Variants in WDR81 observed in about 807,000 individuals in gnomAD.
WDR81 encodes WD repeat-containing protein 81.
Under a neutral mutation model 140.8 loss-of-function variants are expected in WDR81, and 92 were observed. The observed-to-expected ratio is 0.65, with a 90% confidence interval of 0.55 to 0.78. WDR81 has a LOEUF of 0.78. Among genes scored for constraint, WDR81 ranks in the 30% least tolerant of loss-of-function variants. The pLI, the probability that WDR81 is intolerant of heterozygous loss-of-function variation, is 0.00. For missense variants in WDR81, 2,502 were observed against 2,636.4 expected (o/e 0.95, Z 1.12); for synonymous variants, 1,183 against 1,156.4 (o/e 1.02, Z -0.47).
In WDR81 at chr17:1,730,464, G is replaced by T; in HGVS notation, c.3752G>T (p.Arg1251Leu). Reference sequence around the variant, plus strand: ...CGCCACGTGGCCCGGAACCTGCTCCGCCTGCTGACGTCTTGTTATGTTGGT... The same window carrying T: ...CGCCACGTGGCCCGGAACCTGCTCCTCCTGCTGACGTCTTGTTATGTTGGT... ...ASRHVARNLL[R>L]LLTSCYVGPT... is the part of the protein sequence containing the mutation. Residue 1251 changes from arginine to leucine, a missense_variant, in exon 2 of 10, where the codon CGC (arginine) becomes CTC (leucine). Physicochemically the swap from Arg to Leu is moderately radical, Grantham distance 102 (BLOSUM62 -2). Coordinates refer to ENST00000409644, the MANE Select transcript of WDR81 (RefSeq NM_001163809.2). 1 of 1,613,184 alleles carries T rather than the reference G, an allele frequency of 6.2e-7. No individual in the cohort carries two copies. The highest frequency in any genetic ancestry group is 8.5e-7 in the Non-Finnish European group (1 of 1,179,886).
chr17:1,725,108 G>A lies in WDR81; in HGVS notation c.149G>A (p.Gly50Glu), dbSNP rs1392093510. ...IDPRQLAPAP[G>E]GTHVVALVPA... is the part of the protein sequence containing the mutation. ...CCCAGGCAGCTGGCTCCGGCCCCGG[G>A]GGGCACCCACGTGGTGGCCCTAGTG... The change falls in exon 1 of 10, where the codon GGG becomes GAG. Residue 50 changes from glycine (G) to glutamate (E), a missense_variant. Gly to Glu is a moderately conservative substitution (Grantham distance 98, BLOSUM62 -2). This residue lies in a region of WDR81 where 547 missense variants were observed against 513.8 expected (regional missense o/e 1.06). Coordinates refer to ENST00000409644, the MANE Select transcript of WDR81 (RefSeq NM_001163809.2). The A allele has an allele frequency of 1.3e-6, 2 of 1,512,546 alleles. No individual in the cohort carries two copies. The highest frequency in any genetic ancestry group is 1.8e-6 in the Non-Finnish European group (2 of 1,131,522). The allele number at this position is 1,512,546 out of a possible 1,614,324, so 93.7% of individuals were successfully genotyped here. A position where few individuals can be genotyped will look rare whatever the true frequency, so the allele number is the denominator to read the frequency against.
intron 1 of WDR81, among the ~76,000 whole-genome samples, chr17:1,717,444 T>C (rs1914636384): frequency 6.6e-6 from 1 of 152,182 alleles, no homozygotes; most frequent in Non-Finnish European, 1.5e-5. Flanking sequence ...GCAGGAATGA[T>C]GAGGCTGGAG....
Position 1,728,538 on chromosome 17 carries a change from TGTG to T in WDR81, c.3581_3583del (p.Val1194del), listed in dbSNP as rs1567721576. The T allele has an allele frequency of 6.5e-7, 1 of 1,549,736 alleles. No homozygotes were observed. The highest frequency in any genetic ancestry group is 8.7e-7 in the Non-Finnish European group (1 of 1,143,158). On this transcript the variant is annotated inframe_deletion, in exon 1 of 10. Coordinates refer to ENST00000409644, the MANE Select transcript of WDR81 (RefSeq NM_001163809.2). ...ACACGGTGCTGTCCATGGAGACGGTTGTGGCCGGCGGCAGTGGGGGAGATGGAG... is the reference window on the plus strand; with the variant it reads ...ACACGGTGCTGTCCATGGAGACGGTTGCCGGCGGCAGTGGGGGAGATGGAG...
chr17:1,730,511 T>C, intron 2 of WDR81, 24 bp downstream of exon 2: 1 of 1,602,634 alleles, frequency 6.2e-7, no homozygotes, highest in Non-Finnish European at 8.5e-7. Context: ...CGGTCAGTGC[T>C]GGAGATGAGG....
intron 7 of WDR81, among the ~76,000 whole-genome samples, chr17:1,734,679 T>C (rs982693374): frequency 6.6e-6 from 1 of 151,400 alleles, no homozygotes; most frequent in Non-Finnish European, 1.5e-5. Flanking sequence ...CACAGGAGGC[T>C]GAGGCAGGAG....
In WDR81 at chr17:1,735,113, G is replaced by A. The variant is rs1015634934; in HGVS notation, c.5180-459G>A. Among the ~76,000 whole-genome samples the A allele has an allele frequency of 6.6e-6, 1 of 152,002 alleles. No individual in the cohort carries two copies. The highest frequency in any genetic ancestry group is 2.1e-4 in the South Asian group (1 of 4,830). ...AGTTGGAGACCAGACTGGCTGACATGGTGAAACCCCATCTCTACTAAGAAT... is the reference window on the plus strand; with the variant it reads ...AGTTGGAGACCAGACTGGCTGACATAGTGAAACCCCATCTCTACTAAGAAT... On this transcript the variant is annotated intron_variant, in intron 7 of 9. Transcript: ENST00000409644. The surrounding 1 kb of genome is among the most constrained non-coding windows in gnomAD (Gnocchi z 4.2).
At chr17:1,730,021 G>GA (rs1028277139) in intron 1 of WDR81, among the ~76,000 whole-genome samples, 1 of 150,846 alleles carries the variant, frequency 6.6e-6, no homozygotes, top group Non-Finnish European at 1.5e-5. Flanking sequence ...AGAAGAAGAA[G>GA]AGAAGCAGGG....
At chr17:1,724,666 G>C, upstream of WDR81, 1 of 1,045,722 alleles carries the variant, frequency 9.6e-7, no homozygotes, top group Non-Finnish European at 1.1e-6. Flanking sequence ...AGCCACGTGC[G>C]CTTGTTTCCG....
rs763283867 is a variant in WDR81, at chr17:1,728,631, G to A, written c.3667+5G>A. On this transcript the variant is annotated splice_donor_5th_base_variant and intron_variant, in intron 1 of 9. Coordinates refer to ENST00000409644, the MANE Select transcript of WDR81 (RefSeq NM_001163809.2). The stretch of plus-strand genomic sequence containing the variant: ...AAGAACAGAAGATCCTCCTTGGTAA[G>A]TTCCCAGGTCTGGGAGGTGTTGGTC... The A allele has an allele frequency of 6.8e-7, 1 of 1,460,106 alleles. No individual in the cohort carries two copies. Among genetic ancestry groups the A allele is most frequent in the Non-Finnish European group, 9.1e-7 (1 of 1,099,616 alleles). 90.4% of individuals were successfully genotyped at this position (1,460,106 alleles called of 1,614,324 possible).
chr17:1,719,929 G>A (rs1346674913), upstream of WDR81, among the ~76,000 whole-genome samples: 1 of 152,074 alleles, frequency 6.6e-6, no homozygotes, highest in Non-Finnish European at 1.5e-5. Context: ...AGCCAAGATG[G>A]CGCCACTGCA....
chr17:1,730,457 C>G lies in WDR81; in HGVS notation c.3745C>G (p.Leu1249Val), dbSNP rs908304415. 6.2e-7 allele frequency: 1 copy of G among 1,613,166 alleles called. No homozygotes were observed. The highest frequency in any genetic ancestry group is 1.3e-5 in the African/African-American group (1 of 74,946). The part of the protein sequence containing the change: ...TVASRHVARN[L>V]LRLLTSCYVG... ...GGCCTCTCGCCACGTGGCCCGGAAC[C>G]TGCTCCGCCTGCTGACGTCTTGTTA... The change falls in exon 2 of 10, where the codon CTG becomes GTG. Residue 1249 changes from leucine to valine, a missense_variant. Transcript: ENST00000409644.
upstream of WDR81, among the ~76,000 whole-genome samples, chr17:1,724,388 A>C (rs1915063930): frequency 6.6e-6 from 1 of 152,158 alleles, no homozygotes; most frequent in African/African-American, 2.4e-5. Context: ...CAGAAGTCCC[A>C]GTTCTGCCCC....
chr17:1,726,648 T>C lies in WDR81; in HGVS notation c.1689T>C (p.Asn563=), dbSNP rs1442138723. Reference sequence around the variant, plus strand: ...GTAAGGAGGCTGTCAAGGAAAAGAATGTGTGTCTGCACCTGGTGGACGCCC... The same window carrying C: ...GTAAGGAGGCTGTCAAGGAAAAGAACGTGTGTCTGCACCTGGTGGACGCCC... ...LQGKEAVKEK[N]VCLHLVDAHT... is the part of the protein sequence containing the mutation. The change falls in exon 1 of 10, where the codon AAT becomes AAC. Residue 563 remains asparagine (N), a synonymous_variant. Coordinates refer to ENST00000409644, the MANE Select transcript of WDR81 (RefSeq NM_001163809.2). The C allele has an allele frequency of 1.3e-6, 2 of 1,550,248 alleles. No individual in the cohort carries two copies. The highest frequency in any genetic ancestry group is 1.4e-5 in the African/African-American group (1 of 73,154).
At position 1,725,438 on chromosome 17, in the gene WDR81, AGCC is replaced by A. The variant is rs1915170802; in HGVS notation, c.481_483del (p.Pro161del). 1 of 1,549,388 alleles carries A rather than the reference AGCC, an allele frequency of 6.5e-7. No homozygotes were observed. The highest frequency in any genetic ancestry group is 1.2e-5 in the South Asian group (1 of 84,072). On this transcript the variant is annotated inframe_deletion, in exon 1 of 10. Transcript: ENST00000409644. The stretch of plus-strand genomic sequence containing the variant: ...CGCCATGCATACCACACTTACGGCC[AGCC>A]GTACAGTCACAGCCCTGCCCCCTCA...
upstream of WDR81, among the ~76,000 whole-genome samples, chr17:1,720,388 A>C (rs1367205915): frequency 6.6e-6 from 1 of 152,240 alleles, no homozygotes; most frequent in Non-Finnish European, 1.5e-5. Context: ...GTTACTTCTC[A>C]AGACATAGCC....
chr17:1,724,392 C>A, upstream of WDR81: 1 of 808,914 alleles, frequency 1.2e-6, no homozygotes, highest in Non-Finnish European at 1.5e-6. Flanking sequence ...AGTCCCAGTT[C>A]TGCCCCTGGT....
rs1597295999 is a variant in WDR81, at chr17:1,730,855, A to G, written c.3876A>G (p.Ser1292=). 12 of 1,612,906 alleles carry G rather than the reference A, an allele frequency of 7.4e-6. No individual in the cohort carries two copies. Among genetic ancestry groups the G allele is most frequent in the Non-Finnish European group, 1.0e-5 (12 of 1,179,988 alleles). ...GGCCGGTCCTGGGCGACATCGTGTC[A>G]GGGCCTGTGCTCAGCTGCCTCCTCC... ...QKRPVLGDIV[S]GPVLSCLLHI... Residue 1292 remains serine, a synonymous_variant, in exon 3 of 10, where the codon TCA becomes TCG. Transcript: ENST00000409644.
At position 1,730,449 on chromosome 17, in the gene WDR81, C is replaced by G. The variant is rs748429821; in HGVS notation, c.3737C>G (p.Ala1246Gly). The change falls in exon 2 of 10, where the codon GCC becomes GGC. Residue 1246 changes from alanine (A) to glycine (G), a missense_variant. Coordinates refer to ENST00000409644, the MANE Select transcript of WDR81 (RefSeq NM_001163809.2). ...LGPTVASRHV[A>G]RNLLRLLTSC... ...CCCACAGTGGCCTCTCGCCACGTGGCCCGGAACCTGCTCCGCCTGCTGACG... is the reference window on the plus strand; with the variant it reads ...CCCACAGTGGCCTCTCGCCACGTGGGCCGGAACCTGCTCCGCCTGCTGACG... The G allele has an allele frequency of 1.1e-5, 17 of 1,613,318 alleles. 1 individual carries two copies. The highest frequency in any genetic ancestry group is 8.5e-6 in the Non-Finnish European group (10 of 1,179,958).
intron 1 of WDR81, among the ~76,000 whole-genome samples, chr17:1,718,459 G>A (rs1914706029): frequency 6.6e-6 from 1 of 152,220 alleles, no homozygotes; most frequent in Non-Finnish European, 1.5e-5. Flanking sequence ...CTGCCACCTG[G>A]TCCCTGGGCC....
Sources: gnomAD v4.1 joint callset for allele counts (sites outside exome capture counted in the v4.1 genomes callset) on GRCh38, gnomAD v4.1.1 for gene constraint, gnomAD v4.1.1 regional missense constraint, Gnocchi (gnomAD v3.1) non-coding constraint, MANE v1.5 for transcripts, NCBI Gene and HGNC (gene_info 2026-07-23, HGNC 2026-07-21) for gene names.